Variants in CDH19 observed in about 807,000 individuals in gnomAD.
CDH19 encodes cadherin 19, also known as cadherin-19.
A neutral mutation model predicts 64.2 loss-of-function variants in CDH19; 67 were observed. The observed-to-expected ratio is 1.04, with a 90% CI of 0.86 to 1.28. The LOEUF is 1.28. Ranked by LOEUF, CDH19 falls within the 50% of genes most tolerant of loss-of-function variation. The pLI is 0.00. For missense variants in CDH19, 1,030 were observed against 929.0 expected (o/e 1.11, Z -1.41); for synonymous variants, 346 against 319.3 (o/e 1.08, Z -0.89).
At chr18:66,599,742 T>C (rs962606602) in intron 1 of CDH19, among the ~76,000 whole-genome samples, 6 of 151,996 alleles carry the variant, frequency 3.9e-5, no homozygotes, top group African/African-American at 1.4e-4. Flanking sequence ...TAATAAATTG[T>C]TTTAACATTA....
intron 9 of CDH19, among the ~76,000 whole-genome samples, chr18:66,518,615 TTTGAC>T (rs1985843688): frequency 6.6e-6 from 1 of 152,146 alleles, no homozygotes; most frequent in African/African-American, 2.4e-5. Context: ...ATTTAGTTCC[TTTGAC>T]TTGATATGTA....
intron 1 of CDH19, among the ~76,000 whole-genome samples, chr18:66,586,728 A>T (rs1033198137): frequency 3.9e-5 from 6 of 151,990 alleles, no homozygotes; most frequent in Non-Finnish European, 8.8e-5. Flanking sequence ...TCAAAAAGGT[A>T]CTCTGTATTT....
intron 9 of CDH19, among the ~76,000 whole-genome samples, chr18:66,522,012 T>C (rs1986014032): frequency 6.6e-6 from 1 of 151,738 alleles, no homozygotes; most frequent in Non-Finnish European, 1.5e-5. Flanking sequence ...AGTGGCGCGA[T>C]CTCGGCTCAC....
At chr18:66,572,809 C>A (rs1360838928) in intron 1 of CDH19, among the ~76,000 whole-genome samples, 1 of 151,644 alleles carries the variant, frequency 6.6e-6, no homozygotes. Context: ...GACAATTCAG[C>A]TTAAAACTGG....
chr18:66,548,754 A>G (rs1987231809), intron 5 of CDH19, among the ~76,000 whole-genome samples: 1 of 152,216 alleles, frequency 6.6e-6, no homozygotes, highest in South Asian at 2.1e-4. Context: ...TGGAAACAAT[A>G]AGTATGAACA....
chr18:66,589,985 A>G (rs1988695121), intron 1 of CDH19, among the ~76,000 whole-genome samples: 1 of 146,860 alleles, frequency 6.8e-6, no homozygotes, highest in Admixed American at 6.9e-5. Flanking sequence ...ATTTTGTTAG[A>G]CCTCATTATA....
At chr18:66,565,522 T>C (rs11872235) in intron 3 of CDH19, among the ~76,000 whole-genome samples, 51,569 of 151,734 alleles carry the variant, frequency 0.34, 9,595 homozygotes, top group South Asian at 0.48. Flanking sequence ...CTAGGAAATT[T>C]GGAAGTAAGG....
In CDH19 at chr18:66,511,685, C is replaced by T; in HGVS notation, c.1459G>A (p.Val487Ile). 2 of 1,416,914 alleles carry T rather than the reference C, an allele frequency of 1.4e-6. No homozygotes were observed. Among genetic ancestry groups the T allele is most frequent in the Middle Eastern group, 1.8e-4 (1 of 5,644 alleles). 87.8% of individuals were successfully genotyped at this position (1,416,914 alleles called of 1,614,324 possible). A position where few individuals can be genotyped will look rare whatever the true frequency, so the allele number is the denominator to read the frequency against. ...YVCENAGSGQVIQTISAVDRD... is the reference protein window; with the variant it reads ...YVCENAGSGQIIQTISAVDRD... ...TCCACTGCACTGATAGTCTGAATTACCTAAAAAAAAAGGGGGATAGATTTT... is the reference window on the plus strand; with the variant it reads ...TCCACTGCACTGATAGTCTGAATTATCTAAAAAAAAAGGGGGATAGATTTT... Residue 487 changes from valine to isoleucine, a missense_variant and splice_region_variant, in exon 10 of 12, where the codon GTA becomes ATA. Val to Ile is a conservative substitution (Grantham distance 29). Transcript: ENST00000262150.
rs190940954 is a variant in CDH19, at chr18:66,535,364, T to C, written c.1215-257A>G. On this transcript the variant is annotated intron_variant, in intron 7 of 11. Transcript: ENST00000262150. Reference sequence around the variant, plus strand: ...AAATTAATGATTGTGAATCTTTTTTTCCTATCAAATAAATTAAAATATATC... The same window carrying C: ...AAATTAATGATTGTGAATCTTTTTTCCCTATCAAATAAATTAAAATATATC... 2.0e-5 allele frequency among the ~76,000 whole-genome samples: 3 copies of C among 151,630 alleles called. No homozygotes were observed. The East Asian group carries it at 5.8e-4, about 29-fold the overall frequency.
chr18:66,536,194 T>C (rs1268574143), intron 7 of CDH19, among the ~76,000 whole-genome samples: 3 of 151,598 alleles, frequency 2.0e-5, no homozygotes, highest in Non-Finnish European at 3.0e-5. Flanking sequence ...CCTGAAGACT[T>C]TGATGAGATA....
chr18:66,549,124 A>G (rs1987248465), intron 5 of CDH19, among the ~76,000 whole-genome samples: 1 of 152,172 alleles, frequency 6.6e-6, no homozygotes, highest in Non-Finnish European at 1.5e-5. Flanking sequence ...TATATGAGTG[A>G]AAGTATTAAG....
rs778598326 is a variant in CDH19 at position 66,551,169 on chromosome 18, C to T, written c.700G>A (p.Gly234Arg). ...IQAKDMIGQP[G>R]ALSGTTSVLI... Reference sequence around the variant, plus strand: ...ACACTTGTTGTTCCAGACAACGCTCCTGGCTGACCAATCATGTCCTTGGCT... The same window carrying T: ...ACACTTGTTGTTCCAGACAACGCTCTTGGCTGACCAATCATGTCCTTGGCT... Residue 234 changes from glycine to arginine, a missense_variant, in exon 5 of 12, where the codon GGA becomes AGA. By Grantham distance (125) the Gly-to-Arg change is moderately radical. Transcript: ENST00000262150. The T allele has an allele frequency of 1.9e-6, 3 of 1,606,698 alleles. No homozygotes were observed. In the East Asian group the frequency reaches 6.7e-5, roughly 36 times the overall value.
intron 1 of CDH19, among the ~76,000 whole-genome samples, chr18:66,576,138 C>G (rs1277000104): frequency 6.7e-6 from 1 of 150,138 alleles, no homozygotes; most frequent in East Asian, 2.0e-4. Flanking sequence ...AAAAAGTGAG[C>G]AAAGGACAGG....
rs1474307783 is a variant in CDH19 at position 66,554,523 on chromosome 18, T to C, written c.492A>G (p.Gly164=). Residue 164 remains glycine, a splice_region_variant and synonymous_variant, in exon 4 of 12, where the codon GGA becomes GGG. Transcript: ENST00000262150. The part of the protein sequence containing the change: ...EAIVPEMSPE[G]TLVIQVTASD... ...TTGCTGTCACCTGGATAACTAATGT[T>C]CCTAAAGAGAACATAATACAGGAAA... The C allele has an allele frequency of 2.5e-6, 4 of 1,609,974 alleles. No homozygotes were observed. The South Asian group carries it at 4.4e-5, about 18-fold the overall frequency.
intron 3 of CDH19, among the ~76,000 whole-genome samples, chr18:66,554,935 AGAAGGTT>A (rs1281915346): frequency 6.6e-6 from 1 of 151,860 alleles, no homozygotes; most frequent in African/African-American, 2.4e-5. Context: ...AACAAAGTGG[AGAAGGTT>A]GATAAATATT....
At chr18:66,541,595 C>CTA (rs1459277764) in intron 7 of CDH19, among the ~76,000 whole-genome samples, 1 of 151,992 alleles carries the variant, frequency 6.6e-6, no homozygotes, top group Non-Finnish European at 1.5e-5. Context: ...TTAAATCAAG[C>CTA]TATATCATAT....
intron 9 of CDH19, among the ~76,000 whole-genome samples, chr18:66,516,031 C>G (rs1014541418): frequency 6.6e-6 from 1 of 151,804 alleles, no homozygotes; most frequent in Middle Eastern, 3.2e-3. Context: ...GTTATAAACA[C>G]CTAAAGTACT....
chr18:66,533,109 G>T (rs1333419575), intron 8 of CDH19, among the ~76,000 whole-genome samples: 1 of 151,790 alleles, frequency 6.6e-6, no homozygotes, highest in African/African-American at 2.4e-5. Context: ...TCTGGGCTGG[G>T]ATGAGATTTT....
chr18:66,571,775 C>T (rs2144580767), intron 2 of CDH19, among the ~76,000 whole-genome samples: 1 of 151,674 alleles, frequency 6.6e-6, no homozygotes, highest in Middle Eastern at 3.4e-3. Context: ...AAAATGAGGG[C>T]TGCATTTTCA....
Sources: gnomAD v4.1 joint callset for allele counts (sites outside exome capture counted in the v4.1 genomes callset) on GRCh38, gnomAD v4.1.1 for gene constraint, MANE v1.5 for transcripts, NCBI Gene and HGNC (gene_info 2026-07-23, HGNC 2026-07-21) for gene names.